FUT8: variants seen among roughly 807,000 people sequenced by gnomAD.
The protein encoded by FUT8 is fucosyltransferase 8.
In FUT8, 29 loss-of-function variants were observed where a neutral mutation model predicts 71.3. That is an observed-to-expected ratio of 0.41 (90% CI 0.30 to 0.55). FUT8 has a LOEUF of 0.55. Among genes scored for constraint, FUT8 ranks in the 20% least tolerant of loss-of-function variants. FUT8 has a pLI of 0.34. For synonymous variants in FUT8, 254 were observed against 239.3 expected, an observed-to-expected ratio of 1.06 and a Z score of -0.57; for missense variants, 544 against 702.1, an observed-to-expected ratio of 0.77 and a Z score of 2.55.
chr14:65,416,965 T>G (rs1300941439), intron 1 of FUT8, among the ~76,000 whole-genome samples: 1 of 151,996 alleles, frequency 6.6e-6, no homozygotes, highest in East Asian at 1.9e-4. Flanking sequence ...TTTTTAATAT[T>G]TGTAGAGATG....
intron 9 of FUT8, among the ~76,000 whole-genome samples, chr14:65,724,730 C>G (rs1450848996): frequency 1.3e-5 from 2 of 152,168 alleles, no homozygotes; most frequent in African/African-American, 4.8e-5. Context: ...GATCAAGATG[C>G]TAGCAAGGTA....
At chr14:65,370,794 A>C in the FUT8 span, among the ~76,000 whole-genome samples, 2 of 152,200 alleles carry the variant, frequency 1.3e-5, no homozygotes, top group African/African-American at 4.8e-5. Context: ...ACCGTTTATT[A>C]ACATGTGCAG....
the FUT8 span, among the ~76,000 whole-genome samples, chr14:65,363,283 GGCTAA>G: frequency 5.8e-5 from 3 of 51,322 alleles, no homozygotes; most frequent in Non-Finnish European, 2.7e-4. Flanking sequence ...CACCAAGCCT[GGCTAA>G]TTTTTGTATT....
At chr14:65,424,411 T>A (rs2065351271) in intron 1 of FUT8, among the ~76,000 whole-genome samples, 1 of 152,164 alleles carries the variant, frequency 6.6e-6, no homozygotes, top group Non-Finnish European at 1.5e-5. Context: ...GTATAAGTTG[T>A]GACAATTTTT....
chr14:65,741,006 T>C (rs979075274), intron 10 of FUT8, among the ~76,000 whole-genome samples: 2 of 152,034 alleles, frequency 1.3e-5, no homozygotes, highest in African/African-American at 4.8e-5. Context: ...ATTGGTATAG[T>C]GACAATAAAG....
chr14:65,497,625 A>T (rs1027326665), intron 2 of FUT8, among the ~76,000 whole-genome samples: 2 of 152,014 alleles, frequency 1.3e-5, no homozygotes, highest in Non-Finnish European at 2.9e-5. Flanking sequence ...ATGTTTACAT[A>T]TATGTGATTT....
At chr14:65,614,753 C>T (rs1889191924) in intron 3 of FUT8, among the ~76,000 whole-genome samples, 1 of 152,168 alleles carries the variant, frequency 6.6e-6, no homozygotes, top group Non-Finnish European at 1.5e-5. Context: ...CAAAATGGCT[C>T]ACCTAGATAA....
chr14:65,512,407 C>A (rs931652801), intron 2 of FUT8, among the ~76,000 whole-genome samples: 12 of 152,108 alleles, frequency 7.9e-5, no homozygotes, highest in South Asian at 2.1e-4. Context: ...CTCAAGAGAT[C>A]CCCTGCCTTG....
chr14:65,736,348 A>G (rs908643322), intron 10 of FUT8, among the ~76,000 whole-genome samples: 2 of 151,474 alleles, frequency 1.3e-5, no homozygotes, highest in Non-Finnish European at 2.9e-5. Context: ...TCTTTTTCAC[A>G]TGGCTTCATT....
chr14:65,431,727 C>A (rs1009692372), intron 1 of FUT8, among the ~76,000 whole-genome samples: 5 of 150,272 alleles, frequency 3.3e-5, no homozygotes, highest in Middle Eastern at 3.2e-3. Context: ...TTGCTTTTCT[C>A]TCTCTCTAAA....
chr14:65,367,865 T>C, the FUT8 span, among the ~76,000 whole-genome samples: 1 of 151,992 alleles, frequency 6.6e-6, no homozygotes, highest in Admixed American at 6.6e-5. Flanking sequence ...TACTCCCACC[T>C]CTCCAATCCC....
intron 2 of FUT8, chr14:65,458,181 C>CAAAAAAAAA (rs57430489): frequency 8.1e-6 from 1 of 124,126 alleles, no homozygotes. Flanking sequence ...GACTCCGTCT[C>CAAAAAAAAA]AAAAAAAAAA....
At chr14:65,453,796 C>A (rs944664490) in intron 1 of FUT8, among the ~76,000 whole-genome samples, 2 of 152,120 alleles carry the variant, frequency 1.3e-5, no homozygotes, top group African/African-American at 4.8e-5. Context: ...CAAGTGGACC[C>A]CAATGTACAT....
intron 7 of FUT8, among the ~76,000 whole-genome samples, chr14:65,716,631 T>G (rs61987773): frequency 0.061 from 9,254 of 152,218 alleles, 331 homozygotes; most frequent in Admixed American, 0.11. Context: ...GTCTACTTCT[T>G]TCTACACAGA....
At chr14:65,503,884 C>A (rs1244964902) in intron 2 of FUT8, among the ~76,000 whole-genome samples, 1 of 152,146 alleles carries the variant, frequency 6.6e-6, no homozygotes, top group Non-Finnish European at 1.5e-5. Context: ...GGATCCTTAA[C>A]AAAGCATTTT....
chr14:65,420,182 A>G (rs1327306885), intron 1 of FUT8, among the ~76,000 whole-genome samples: 1 of 152,222 alleles, frequency 6.6e-6, no homozygotes, highest in East Asian at 1.9e-4. Context: ...TTTTAATGGC[A>G]TAAAGATGTA....
chr14:65,455,184 T>G (rs938774748), intron 1 of FUT8, among the ~76,000 whole-genome samples: 16 of 152,180 alleles, frequency 1.1e-4, no homozygotes, highest in Admixed American at 6.5e-5. Flanking sequence ...TGGAAGTTTG[T>G]GTAGAAGATA....
At chr14:65,734,214 C>A (rs1225563904) in intron 10 of FUT8, among the ~76,000 whole-genome samples, 1 of 151,920 alleles carries the variant, frequency 6.6e-6, no homozygotes, top group Admixed American at 6.6e-5. Flanking sequence ...AGAATAATTA[C>A]CAGAACATAT....
intron 1 of FUT8, among the ~76,000 whole-genome samples, chr14:65,427,929 A>G (rs958698966): frequency 6.6e-6 from 1 of 152,174 alleles, no homozygotes; most frequent in Non-Finnish European, 1.5e-5. Context: ...GAATCATACA[A>G]TAGTGTAGTC....
Sources: allele counts gnomAD v4.1 joint callset (sites outside exome capture counted in the v4.1 genomes callset), GRCh38; gene constraint gnomAD v4.1.1; transcripts MANE v1.5; gene names NCBI Gene and HGNC (gene_info 2026-07-23, HGNC 2026-07-21).